The following CDH13 variants were observed in gnomAD, a reference collection of about 807,000 sequenced individuals.
CDH13 encodes cadherin 13.
CDH13 carries 24 observed loss-of-function variants against 63.8 expected under a neutral mutation model. The observed-to-expected ratio is 0.38, with a 90% CI of 0.27 to 0.53. CDH13 has a LOEUF of 0.53. Among genes scored for constraint, CDH13 ranks in the 20% least tolerant of loss-of-function variants. The pLI, the probability that CDH13 is intolerant of heterozygous loss-of-function variation, is 0.85. For synonymous variants in CDH13, 503 were observed against 355.3 expected, an observed-to-expected ratio of 1.42 and a Z score of -4.67; for missense variants, 1,049 against 903.1, an observed-to-expected ratio of 1.16 and a Z score of -2.07.
chr16:82,781,391 A>G (rs923897746), intron 1 of CDH13, among the ~76,000 whole-genome samples: 8 of 152,236 alleles, frequency 5.3e-5, no homozygotes, highest in Middle Eastern at 3.4e-3. Flanking sequence ...TTTGAATGCT[A>G]TCTTAATGAG....
At chr16:83,437,336 A>C (rs2072336346) in intron 6 of CDH13, among the ~76,000 whole-genome samples, 1 of 152,196 alleles carries the variant, frequency 6.6e-6, no homozygotes, top group African/African-American at 2.4e-5. Context: ...TAAAGCGTTT[A>C]GAACAGGGAA....
At chr16:83,100,570 A>G (rs72798333) in intron 3 of CDH13, among the ~76,000 whole-genome samples, 24,337 of 152,228 alleles carry the variant, frequency 0.16, 2,255 homozygotes, top group Middle Eastern at 0.21. Flanking sequence ...GTGGAAAACA[A>G]TGGTCCTGTA....
At chr16:83,338,748 A>G (rs1443397194) in intron 5 of CDH13, among the ~76,000 whole-genome samples, 1 of 152,214 alleles carries the variant, frequency 6.6e-6, no homozygotes, top group Non-Finnish European at 1.5e-5. Context: ...GTATGTAAAA[A>G]TACCTGCAAG....
intron 2 of CDH13, among the ~76,000 whole-genome samples, chr16:82,920,984 G>A (rs1275941564): frequency 1.3e-5 from 2 of 152,036 alleles, no homozygotes; most frequent in Non-Finnish European, 2.9e-5. Context: ...TGCATCTTTT[G>A]AGATGATTGT....
chr16:82,875,511 T>C (rs1038462468), intron 2 of CDH13, among the ~76,000 whole-genome samples: 15 of 152,212 alleles, frequency 9.9e-5, no homozygotes, highest in African/African-American at 3.6e-4. Context: ...TGGGAACTCA[T>C]AGAATTAGGA....
intron 4 of CDH13, among the ~76,000 whole-genome samples, chr16:83,182,583 G>C (rs552624864): frequency 6.6e-6 from 1 of 152,172 alleles, no homozygotes; most frequent in African/African-American, 2.4e-5. Context: ...CCCTCTGTTA[G>C]TCATGCCATG....
chr16:82,678,052 A>G (rs74028545), intron 1 of CDH13, among the ~76,000 whole-genome samples: 2,364 of 152,282 alleles, frequency 0.016, 38 homozygotes, highest in African/African-American at 0.046. Context: ...GAAGGCTTGC[A>G]TAAAAAATAT....
chr16:83,644,481 C>A (rs1322647620), intron 8 of CDH13, among the ~76,000 whole-genome samples: 1 of 152,184 alleles, frequency 6.6e-6, no homozygotes, highest in African/African-American at 2.4e-5. Flanking sequence ...AGGATAAACT[C>A]CCAAAAGCAA....
intron 2 of CDH13, among the ~76,000 whole-genome samples, chr16:83,009,642 G>C (rs1418559700): frequency 6.6e-6 from 1 of 152,142 alleles, no homozygotes; most frequent in Admixed American, 6.5e-5. Flanking sequence ...ATATTTAATA[G>C]CTGTTCTTTT....
chr16:82,988,541 C>T (rs1911242523), intron 2 of CDH13, among the ~76,000 whole-genome samples: 1 of 152,062 alleles, frequency 6.6e-6, no homozygotes, highest in South Asian at 2.1e-4. Flanking sequence ...GCGGGCAGAT[C>T]ACCTGAGGTC....
At chr16:83,053,276 G>A (rs1178563373) in intron 3 of CDH13, among the ~76,000 whole-genome samples, 1 of 152,056 alleles carries the variant, frequency 6.6e-6, no homozygotes, top group African/African-American at 2.4e-5. Flanking sequence ...GAGTTAAAAA[G>A]GTATCATAAC....
chr16:82,796,204 A>G (rs943637120), intron 1 of CDH13, among the ~76,000 whole-genome samples: 32 of 152,234 alleles, frequency 2.1e-4, no homozygotes, highest in African/African-American at 7.5e-4. Flanking sequence ...GGTGAACTCA[A>G]TTGACAGGAC....
chr16:83,032,501 C>A (rs977512549), intron 3 of CDH13, among the ~76,000 whole-genome samples: 3 of 152,016 alleles, frequency 2.0e-5, no homozygotes, highest in Non-Finnish European at 4.4e-5. Flanking sequence ...AGCTTTAATC[C>A]CTGTGCATCT....
intron 7 of CDH13, among the ~76,000 whole-genome samples, chr16:83,517,198 C>G (rs1433050198): frequency 2.0e-5 from 3 of 152,252 alleles, no homozygotes; most frequent in Non-Finnish European, 2.9e-5. Context: ...TCATACTCAG[C>G]TTAGAAGTGC....
chr16:83,136,543 A>T (rs915058792), intron 4 of CDH13, among the ~76,000 whole-genome samples: 1 of 152,044 alleles, frequency 6.6e-6, no homozygotes, highest in African/African-American at 2.4e-5. Context: ...GAAACATACA[A>T]GCCAGGGGTG....
chr16:83,231,226 T>A (rs374845925), intron 5 of CDH13, among the ~76,000 whole-genome samples: 3 of 152,328 alleles, frequency 2.0e-5, no homozygotes, highest in Non-Finnish European at 4.4e-5. Flanking sequence ...GAATTCAGTT[T>A]AACTGTGTAG....
intron 8 of CDH13, among the ~76,000 whole-genome samples, chr16:83,621,788 C>T (rs187090108): frequency 9.3e-4 from 141 of 152,190 alleles, no homozygotes; most frequent in African/African-American, 3.3e-3. Context: ...CACGCAGCCA[C>T]CTCACCTGCC....
At chr16:83,555,049 G>GA (rs1168955247) in intron 7 of CDH13, among the ~76,000 whole-genome samples, 1 of 151,802 alleles carries the variant, frequency 6.6e-6, no homozygotes, top group African/African-American at 2.4e-5. Context: ...GCCATTGAGT[G>GA]AAAAAGCAAG....
intron 11 of CDH13, among the ~76,000 whole-genome samples, chr16:83,751,096 A>G: frequency 6.6e-6 from 1 of 152,148 alleles, no homozygotes; most frequent in East Asian, 1.9e-4. Context: ...ATAAGGGCAG[A>G]GAAGCGTGTG....
Sources: gnomAD v4.1 joint callset for allele counts (sites outside exome capture counted in the v4.1 genomes callset) on GRCh38, gnomAD v4.1.1 for gene constraint, MANE v1.5 for transcripts, NCBI Gene and HGNC (gene_info 2026-07-23, HGNC 2026-07-21) for gene names.